Variants in USH2A observed in about 807,000 individuals in gnomAD.
USH2A encodes the protein usherin, also known as Usher syndrome 2A (autosomal recessive, mild).
A neutral mutation model predicts 538.9 loss-of-function variants in USH2A; 443 were observed. That is an observed-to-expected ratio of 0.82 (90% confidence interval 0.76 to 0.89). USH2A has a LOEUF of 0.89. Among genes scored for constraint, USH2A ranks in the 40% least tolerant of loss-of-function variants. The pLI is 0.00. For synonymous variants in USH2A, 2,413 were observed against 2,273.5 expected (o/e 1.06, Z -1.75); for missense variants, 6,633 against 6,324.8 (o/e 1.05, Z -1.65).
intron 21 of USH2A, among the ~76,000 whole-genome samples, chr1:216,147,597 C>T (rs1339968169): frequency 3.3e-5 from 5 of 151,584 alleles, no homozygotes; most frequent in South Asian, 2.1e-4. Flanking sequence ...AATCTGCTCC[C>T]GACATTAAAT....
At chr1:216,259,914 A>T (rs1478534686) in intron 11 of USH2A, among the ~76,000 whole-genome samples, 1 of 152,136 alleles carries the variant, frequency 6.6e-6, no homozygotes, top group Non-Finnish European at 1.5e-5. Context: ...CAAAGACGAA[A>T]AATGAAATGA....
chr1:215,741,304 T>C, intron 60 of USH2A, 71 bp downstream of exon 60: 1 of 1,518,216 alleles, frequency 6.6e-7, no homozygotes, highest in Non-Finnish European at 9.1e-7. Flanking sequence ...TATAAAATGC[T>C]CTTGATTCTG....
At chr1:216,197,200 C>T (rs1442068441) in intron 18 of USH2A, among the ~76,000 whole-genome samples, 1 of 152,038 alleles carries the variant, frequency 6.6e-6, no homozygotes, top group East Asian at 1.9e-4. Context: ...TTCTAAATAA[C>T]CCCAATGAAT....
intron 9 of USH2A, among the ~76,000 whole-genome samples, chr1:216,293,830 T>C (rs146718238): frequency 2.2e-3 from 330 of 152,336 alleles, no homozygotes; most frequent in African/African-American, 7.4e-3. Context: ...GATCGGTCAC[T>C]GATCACAATG....
At chr1:215,684,836 T>C (rs983587251) in intron 61 of USH2A, among the ~76,000 whole-genome samples, 1 of 152,142 alleles carries the variant, frequency 6.6e-6, no homozygotes, top group African/African-American at 2.4e-5. Flanking sequence ...GGGGTTCCCT[T>C]GCCTCCTTAG....
chr1:215,689,560 A>T (rs1658534980), intron 61 of USH2A, among the ~76,000 whole-genome samples: 1 of 152,166 alleles, frequency 6.6e-6, no homozygotes, highest in Non-Finnish European at 1.5e-5. Context: ...AAACTCTAGG[A>T]TGTCACTGCC....
rs768726738 is a variant in USH2A at position 215,639,263 on chromosome 1, AT to A, written c.14969-26del. 56 of 1,611,734 alleles carry A rather than the reference AT, an allele frequency of 3.5e-5. 1 individual carries two copies. In the South Asian group the frequency reaches 5.5e-4, roughly 16 times the overall value. On this transcript the variant is annotated intron_variant, in intron 68 of 71. Coordinates refer to ENST00000307340, the MANE Select transcript of USH2A (RefSeq NM_206933.4). ...GCTAGACAAAAGGAAGAACTGGTAAATGACTTGTTCATTCAACACCTACAAA... is the reference window on the plus strand; with the variant it reads ...GCTAGACAAAAGGAAGAACTGGTAAAGACTTGTTCATTCAACACCTACAAA...
chr1:215,944,304 T>C (rs760480571), intron 37 of USH2A, among the ~76,000 whole-genome samples: 1 of 152,156 alleles, frequency 6.6e-6, no homozygotes, highest in East Asian at 1.9e-4. Flanking sequence ...TTACTTTCTA[T>C]CCCTTTATAG....
At chr1:216,128,248 C>T (rs1035499549) in intron 21 of USH2A, among the ~76,000 whole-genome samples, 1 of 152,042 alleles carries the variant, frequency 6.6e-6, no homozygotes, top group African/African-American at 2.4e-5. Context: ...TTTCATCTAA[C>T]TTATTTGCTA....
intron 11 of USH2A, among the ~76,000 whole-genome samples, chr1:216,270,684 C>T (rs891784108): frequency 1.3e-5 from 2 of 149,366 alleles, no homozygotes; most frequent in Non-Finnish European, 3.0e-5. Flanking sequence ...TAATAAACTG[C>T]TATCAATTAA....
chr1:215,766,773 G>C lies in USH2A; in HGVS notation c.10955C>G (p.Thr3652Ser). The change falls in exon 56 of 72, where the codon ACC becomes AGC. Residue 3652 changes from threonine to serine, a missense_variant. Transcript: ENST00000307340. Reference protein sequence around the residue: ...QHTVTGLQPYTNYSFTLTACT... With the variant: ...QHTVTGLQPYSNYSFTLTACT... Reference sequence around the variant, plus strand: ...AGCTGTAAGAGTGAAGCTGTAGTTGGTGTATGGCTGGAGACCTAGAAAAAG... The same window carrying C: ...AGCTGTAAGAGTGAAGCTGTAGTTGCTGTATGGCTGGAGACCTAGAAAAAG... The C allele has an allele frequency of 1.9e-6, 3 of 1,613,568 alleles. No individual in the cohort carries two copies. Among genetic ancestry groups the C allele is most frequent in the South Asian group, 1.1e-5 (1 of 91,072 alleles).
chr1:215,934,037 T>C (rs1431057596), intron 38 of USH2A, among the ~76,000 whole-genome samples: 1 of 152,004 alleles, frequency 6.6e-6, no homozygotes, highest in Non-Finnish European at 1.5e-5. Context: ...AATAAAAATA[T>C]GCAGACTGTA....
At chr1:215,930,465 A>G (rs1445194916) in intron 38 of USH2A, among the ~76,000 whole-genome samples, 27 of 152,024 alleles carry the variant, frequency 1.8e-4, no homozygotes, top group Admixed American at 1.8e-3. Context: ...ATACTCTATA[A>G]TGCCTTTGTT....
chr1:215,638,640 G>T (rs532430832), intron 69 of USH2A, among the ~76,000 whole-genome samples: 2 of 123,692 alleles, frequency 1.6e-5, no homozygotes, highest in Admixed American at 1.7e-4. Flanking sequence ...AAAAAAAAGA[G>T]TGTATTGTAA....
Position 216,325,328 on chromosome 1 carries a change from C to A in USH2A, c.1120G>T (p.Asp374Tyr). Reference protein sequence around the residue: ...QLNQGVTISVDLENGQYQVFY... With the variant: ...QLNQGVTISVYLENGQYQVFY... ...ACCTGATACTGTCCATTTTCCAAAT[C>A]AACTGAAATAGTCACTCCTTGATTA... Residue 374 changes from aspartate (D) to tyrosine (Y), a missense_variant, in exon 6 of 72, where the codon GAT (aspartate) becomes TAT (tyrosine). Transcript: ENST00000307340. 1 of 1,613,756 alleles carries A rather than the reference C, an allele frequency of 6.2e-7. No homozygotes were observed. Among genetic ancestry groups the A allele is most frequent in the South Asian group, 1.1e-5 (1 of 91,000 alleles).
At chr1:216,348,454 T>A (rs1442750969) in intron 4 of USH2A, among the ~76,000 whole-genome samples, 3 of 152,062 alleles carry the variant, frequency 2.0e-5, no homozygotes, top group African/African-American at 7.2e-5. Context: ...CGAAGATATC[T>A]TAGGACCTCA....
intron 9 of USH2A, among the ~76,000 whole-genome samples, chr1:216,295,929 TCATTGGAACATA>T (rs1431646293): frequency 6.6e-6 from 1 of 152,050 alleles, no homozygotes; most frequent in Non-Finnish European, 1.5e-5. Flanking sequence ...TTCATAATCA[TCATTGGAACATA>T]CACTAGTCAA....
intron 35 of USH2A, among the ~76,000 whole-genome samples, chr1:215,983,920 C>G (rs1667811879): frequency 1.3e-5 from 2 of 152,164 alleles, no homozygotes; most frequent in Admixed American, 1.3e-4. Context: ...ATTCAGGAAC[C>G]TGGAGAAAGA....
At chr1:216,148,491 C>A (rs2033760563) in intron 21 of USH2A, among the ~76,000 whole-genome samples, 2 of 152,102 alleles carry the variant, frequency 1.3e-5, no homozygotes, top group African/African-American at 2.4e-5. Context: ...GCACCCCTTA[C>A]CATCTCATTA....
Sources: gnomAD v4.1 joint callset for allele counts (sites outside exome capture counted in the v4.1 genomes callset) on GRCh38, gnomAD v4.1.1 for gene constraint, MANE v1.5 for transcripts, NCBI Gene and HGNC (gene_info 2026-07-23, HGNC 2026-07-21) for gene names.